Variants in TCF7L2 observed in about 807,000 individuals in gnomAD.
TCF7L2 encodes the protein transcription factor 7 like 2, also known as transcription factor 7-like 2.
A neutral mutation model predicts 77.9 loss-of-function variants in TCF7L2; 23 were observed. The observed-to-expected ratio is 0.30, with a 90% CI of 0.21 to 0.42. The LOEUF (loss-of-function observed/expected upper bound fraction) is 0.42. Ranked by LOEUF, TCF7L2 falls within the 10% of genes least tolerant of loss-of-function variation. The pLI is 1.00. For synonymous variants in TCF7L2, 413 were observed against 340.2 expected, an observed-to-expected ratio of 1.21 and a Z score of -2.36; for missense variants, 654 against 793.1, an observed-to-expected ratio of 0.82 and a Z score of 2.11.
intron 3 of TCF7L2, among the ~76,000 whole-genome samples, chr10:112,955,469 A>C (rs904434528): frequency 6.6e-6 from 1 of 152,124 alleles, no homozygotes; most frequent in African/African-American, 2.4e-5. Context: ...AGCGCTTTCC[A>C]CTTTGTTGAT....
At chr10:112,992,675 C>T (rs2042779678) in intron 4 of TCF7L2, among the ~76,000 whole-genome samples, 1 of 152,112 alleles carries the variant, frequency 6.6e-6, no homozygotes, top group Non-Finnish European at 1.5e-5. Context: ...TGCTTTGGTT[C>T]TGGCCCCTGG....
intron 4 of TCF7L2, among the ~76,000 whole-genome samples, chr10:113,015,446 C>CTTTTT (rs67005436): frequency 9.7e-5 from 10 of 103,236 alleles, no homozygotes; most frequent in African/African-American, 1.8e-4. Flanking sequence ...GCCTGATGAG[C>CTTTTT]TTTTTTTTTT....
At chr10:113,061,024 G>A (rs1209998524) in intron 5 of TCF7L2, among the ~76,000 whole-genome samples, 1 of 152,190 alleles carries the variant, frequency 6.6e-6, no homozygotes, top group African/African-American at 2.4e-5. Context: ...ACAGATACAA[G>A]AGGTCTTGGG....
chr10:112,950,449 GTTTT>G lies in TCF7L2; in HGVS notation c.-297_-294del, dbSNP rs74804400. ...TATCTGACTTCTTGTTGTTGTTGGT[GTTTT>G]TTTTTTTTTTACCCCCCTTTTTTAT... On this transcript the variant is annotated 5_prime_UTR_variant, in exon 1 of 14. Coordinates refer to ENST00000627217, the MANE Select transcript of TCF7L2 (RefSeq NM_001146274.2). 1.2e-3 allele frequency: 231 copies of G among 195,186 alleles called. 2 individuals carry two copies. The Admixed American group carries it at 0.016, about 14-fold the overall frequency. 12.1% of individuals were successfully genotyped at this position (195,186 alleles called of 1,614,324 possible). A position where few individuals can be genotyped will look rare whatever the true frequency, so the allele number is the denominator to read the frequency against.
intron 5 of TCF7L2, among the ~76,000 whole-genome samples, chr10:113,066,127 C>T (rs1420076818): frequency 6.6e-6 from 1 of 152,058 alleles, no homozygotes. Flanking sequence ...CTTTGGGAGG[C>T]CGAGGAGGGC....
At chr10:113,058,746 G>C (rs772074753) in intron 5 of TCF7L2, among the ~76,000 whole-genome samples, 4 of 151,950 alleles carry the variant, frequency 2.6e-5, no homozygotes, top group Non-Finnish European at 4.4e-5. Context: ...TGGAGAGATG[G>C]GCTTGGGCCA....
rs74804400 is a variant in TCF7L2 at position 112,950,449 on chromosome 10, GTT to G, written c.-295_-294del. The G allele has an allele frequency of 3.1e-3, 592 of 193,112 alleles. No individual in the cohort carries two copies. Among genetic ancestry groups the G allele is most frequent in the East Asian group, 5.9e-3 (71 of 12,068 alleles). 12.0% of individuals were successfully genotyped at this position (193,112 alleles called of 1,614,324 possible). ...TATCTGACTTCTTGTTGTTGTTGGT[GTT>G]TTTTTTTTTTTTACCCCCCTTTTTT... On this transcript the variant is annotated 5_prime_UTR_variant, in exon 1 of 14. Coordinates refer to ENST00000627217, the MANE Select transcript of TCF7L2 (RefSeq NM_001146274.2).
At chr10:113,056,712 A>G (rs1460184572) in intron 5 of TCF7L2, among the ~76,000 whole-genome samples, 1 of 152,222 alleles carries the variant, frequency 6.6e-6, no homozygotes, top group Non-Finnish European at 1.5e-5. Context: ...CCTAATCCAT[A>G]GCATAATTAA....
chr10:112,966,184 T>TTTTATATATATATATATATATATATA (rs1554876896), intron 4 of TCF7L2, among the ~76,000 whole-genome samples: 3 of 114,232 alleles, frequency 2.6e-5, no homozygotes, highest in African/African-American at 1.4e-4. Flanking sequence ...TAAAATATAT[T>TTTTATATATATATATATATATATATA]TATATATATA....
intron 11 of TCF7L2, among the ~76,000 whole-genome samples, chr10:113,155,772 G>C (rs754413524): frequency 1.3e-5 from 2 of 152,238 alleles, no homozygotes; most frequent in Admixed American, 1.3e-4. Context: ...AGGCCCGCCT[G>C]CCTGTTCCAG....
At chr10:112,992,775 T>G (rs2042807320) in intron 4 of TCF7L2, among the ~76,000 whole-genome samples, 2 of 151,890 alleles carry the variant, frequency 1.3e-5, no homozygotes, top group Non-Finnish European at 1.5e-5. Flanking sequence ...TTTCTTTTTT[T>G]TTTTTTGAGA....
intron 5 of TCF7L2, among the ~76,000 whole-genome samples, chr10:113,051,171 T>C (rs1055742857): frequency 6.6e-6 from 1 of 151,776 alleles, no homozygotes; most frequent in Non-Finnish European, 1.5e-5. Context: ...AATCTGGCTC[T>C]TTGCAATTGC....
rs1226936364 is a variant in TCF7L2, at chr10:113,118,034, G to GT, written c.553-23142dup. Among the ~76,000 whole-genome samples the GT allele has an allele frequency of 6.2e-5, 9 of 144,938 alleles. No individual in the cohort carries two copies. The East Asian group carries it at 1.4e-3, about 23-fold the overall frequency. On this transcript the variant is annotated intron_variant, in intron 5 of 13. Transcript: ENST00000627217. ...TTTCTCTTAAGACTGCAAAAACCAA[G>GT]TTTTTTTTGGTGCTGTGTTTTTCGG...
intron 4 of TCF7L2, among the ~76,000 whole-genome samples, chr10:113,008,735 C>T (rs919959132): frequency 2.0e-5 from 3 of 152,156 alleles, no homozygotes; most frequent in African/African-American, 7.2e-5. Flanking sequence ...TAAAACCATG[C>T]TTGGGAGCGC....
intron 5 of TCF7L2, among the ~76,000 whole-genome samples, chr10:113,077,858 C>CTTAT (rs35452927): frequency 0.043 from 5,703 of 133,820 alleles, 155 homozygotes; most frequent in African/African-American, 0.051. Context: ...GCCTGGCTTG[C>CTTAT]TTATTTATTT....
intron 13 of TCF7L2, among the ~76,000 whole-genome samples, chr10:113,164,387 C>G (rs1256931687): frequency 1.3e-5 from 2 of 152,274 alleles, no homozygotes; most frequent in East Asian, 1.9e-4. Flanking sequence ...AAACACGAAT[C>G]ACGATAACCC....
At chr10:113,014,347 G>C (rs146825803) in intron 4 of TCF7L2, among the ~76,000 whole-genome samples, 1 of 152,310 alleles carries the variant, frequency 6.6e-6, no homozygotes, top group Non-Finnish European at 1.5e-5. Context: ...TCTGGGACCT[G>C]ATTTAGACAG....
intron 5 of TCF7L2, among the ~76,000 whole-genome samples, chr10:113,067,532 G>A (rs1446730378): frequency 1.3e-5 from 2 of 152,202 alleles, no homozygotes; most frequent in Non-Finnish European, 2.9e-5. Flanking sequence ...CTCTTGCAAA[G>A]TTTCTGAGAA....
At chr10:113,068,277 G>T (rs1225099179) in intron 5 of TCF7L2, among the ~76,000 whole-genome samples, 1 of 152,208 alleles carries the variant, frequency 6.6e-6, no homozygotes, top group Non-Finnish European at 1.5e-5. Context: ...TGGACAAAAA[G>T]GCTGCTGGAG....
Sources: allele counts gnomAD v4.1 joint callset (sites outside exome capture counted in the v4.1 genomes callset), GRCh38; gene constraint gnomAD v4.1.1; transcripts MANE v1.5; gene names NCBI Gene and HGNC (gene_info 2026-07-23, HGNC 2026-07-21).